Variants in CMSS1 observed in about 807,000 individuals in gnomAD.
CMSS1 encodes the protein protein CMSS1.
Under a neutral mutation model 43.5 loss-of-function variants are expected in CMSS1, and 33 were observed. The ratio of observed to expected loss-of-function variants is 0.76; its 90% CI spans 0.57 to 1.01. The LOEUF is 1.01. Among genes scored for constraint, CMSS1 ranks in the 50% least tolerant of loss-of-function variants. The probability of loss-of-function intolerance (pLI) is 0.00; values close to 1 mark genes in which losing one functional copy is unlikely to be tolerated. For missense variants in CMSS1, 313 were observed against 326.4 expected, an observed-to-expected ratio of 0.96 and a Z score of 0.32; for synonymous variants, 115 against 117.2, an observed-to-expected ratio of 0.98 and a Z score of 0.12.
chr3:100,150,148 A>G (rs1234458259), intron 2 of CMSS1, among the ~76,000 whole-genome samples: 1 of 152,138 alleles, frequency 6.6e-6, no homozygotes, highest in Non-Finnish European at 1.5e-5. Context: ...TGTCAGGCAT[A>G]CTGTCTGTCC....
intron 1 of CMSS1, among the ~76,000 whole-genome samples, chr3:100,111,160 A>C (rs1260082039): frequency 6.6e-6 from 1 of 152,172 alleles, no homozygotes; most frequent in Non-Finnish European, 1.5e-5. Flanking sequence ...TTCAAGGGCC[A>C]GAAGGAAGAA....
intron 1 of CMSS1, among the ~76,000 whole-genome samples, chr3:99,878,807 C>A (rs1032193161): frequency 6.6e-6 from 1 of 152,212 alleles, no homozygotes; most frequent in South Asian, 2.1e-4. Flanking sequence ...ATTGCAAACT[C>A]CAACCAGCTG....
chr3:100,164,026 C>A (rs368360572), intron 4 of CMSS1, among the ~76,000 whole-genome samples: 1 of 152,084 alleles, frequency 6.6e-6, no homozygotes, highest in Non-Finnish European at 1.5e-5. Flanking sequence ...GACATGAGTG[C>A]CCTGTCTGTT....
intron 1 of CMSS1, chr3:99,898,389 G>A (rs1301182721): frequency 6.6e-6 from 1 of 152,090 alleles, no homozygotes; most frequent in Non-Finnish European, 1.5e-5. Context: ...ATAGAAACCT[G>A]GAAAGATCAG....
chr3:100,085,388 T>C (rs966411117), intron 1 of CMSS1, among the ~76,000 whole-genome samples: 18 of 152,306 alleles, frequency 1.2e-4, no homozygotes, highest in African/African-American at 4.1e-4. Flanking sequence ...AATGACTGAC[T>C]TTTACTATAA....
chr3:100,170,647 G>A (rs1400522654), intron 6 of CMSS1, among the ~76,000 whole-genome samples: 1 of 152,228 alleles, frequency 6.6e-6, no homozygotes, highest in African/African-American at 2.4e-5. Flanking sequence ...CAAAAACCCT[G>A]GACAGATAAT....
At chr3:100,034,442 T>C (rs2065073180) in intron 1 of CMSS1, among the ~76,000 whole-genome samples, 1 of 152,126 alleles carries the variant, frequency 6.6e-6, no homozygotes, top group South Asian at 2.1e-4. Flanking sequence ...ACACTGGCTT[T>C]AGTAAGGAAT....
chr3:99,932,944 G>A (rs1421621815), intron 1 of CMSS1, among the ~76,000 whole-genome samples: 1 of 152,156 alleles, frequency 6.6e-6, no homozygotes, highest in Non-Finnish European at 1.5e-5. Flanking sequence ...CTGGAAGTGA[G>A]GGAGCACTTA....
chr3:100,015,250 A>G (rs1432045998), intron 1 of CMSS1, among the ~76,000 whole-genome samples: 1 of 151,840 alleles, frequency 6.6e-6, no homozygotes, highest in Non-Finnish European at 1.5e-5. Context: ...CCCTTGGATT[A>G]TATGTTTGTT....
At chr3:99,981,692 T>A (rs554708884) in intron 1 of CMSS1, among the ~76,000 whole-genome samples, 9 of 152,166 alleles carry the variant, frequency 5.9e-5, no homozygotes, top group African/African-American at 1.9e-4. Flanking sequence ...TTGAAAAAAA[T>A]TGGTTGGAAT....
chr3:100,120,547 A>G (rs1281971589), intron 1 of CMSS1, among the ~76,000 whole-genome samples: 1 of 152,168 alleles, frequency 6.6e-6, no homozygotes, highest in Non-Finnish European at 1.5e-5. Context: ...ACATCTTATA[A>G]AGAGGTATTA....
chr3:99,950,166 T>C (rs1231625564), intron 1 of CMSS1, among the ~76,000 whole-genome samples: 1 of 152,214 alleles, frequency 6.6e-6, no homozygotes, highest in Admixed American at 6.5e-5. Flanking sequence ...TAACTGTAGA[T>C]AGGACTTTTT....
At chr3:100,076,662 C>A (rs534749821) in intron 1 of CMSS1, among the ~76,000 whole-genome samples, 1 of 152,282 alleles carries the variant, frequency 6.6e-6, no homozygotes, top group East Asian at 1.9e-4. Flanking sequence ...CTTTACTGTT[C>A]ATTTTTCTGA....
chr3:100,046,593 A>G (rs1406678396), intron 1 of CMSS1, among the ~76,000 whole-genome samples: 1 of 152,096 alleles, frequency 6.6e-6, no homozygotes, highest in Non-Finnish European at 1.5e-5. Context: ...GTGAGGAGAG[A>G]GGTTAGCAAA....
chr3:99,950,562 C>T (rs1250973676), intron 1 of CMSS1, among the ~76,000 whole-genome samples: 1 of 152,152 alleles, frequency 6.6e-6, no homozygotes, highest in East Asian at 1.9e-4. Flanking sequence ...TTTCATTCAT[C>T]GGATAGTATA....
chr3:99,875,118 C>G (rs761821321), intron 1 of CMSS1, among the ~76,000 whole-genome samples: 1 of 152,176 alleles, frequency 6.6e-6, no homozygotes, highest in Non-Finnish European at 1.5e-5. Flanking sequence ...ATCAATTTTT[C>G]ATCTCCTATT....
At chr3:99,818,408 T>G (rs2107471424) in intron 1 of CMSS1, among the ~76,000 whole-genome samples, 1 of 152,324 alleles carries the variant, frequency 6.6e-6, no homozygotes, top group East Asian at 1.9e-4. Flanking sequence ...GGTTGCTGCT[T>G]CAGACTCCCT....
rs550439833 is a variant in CMSS1 at position 99,992,012 on chromosome 3, G to GTA, written c.65-154948_65-154947dup. Reference sequence around the variant, plus strand: ...TATATACGTATATATATGTGTGTGTGTATATATATATATACGTGTATATAT... The same window carrying GTA: ...TATATACGTATATATATGTGTGTGTGTATATATATATATATACGTGTATATAT... On this transcript the variant is annotated intron_variant, in intron 1 of 9. Coordinates refer to ENST00000421999, the MANE Select transcript of CMSS1 (RefSeq NM_032359.4). 7.7e-4 allele frequency among the ~76,000 whole-genome samples: 112 copies of GTA among 145,582 alleles called. 2 individuals carry two copies. The highest frequency in any genetic ancestry group is 7.2e-3 in the Middle Eastern group (2 of 276).
intron 2 of CMSS1, 116 bp from the exon 3 acceptor site, chr3:100,160,314 A>G: frequency 1.6e-6 from 1 of 641,078 alleles, no homozygotes; most frequent in East Asian, 2.9e-5. Context: ...TCTGTAGAAT[A>G]TTACCAAGAT....
Sources: gnomAD v4.1 joint callset for allele counts (sites outside exome capture counted in the v4.1 genomes callset) on GRCh38, gnomAD v4.1.1 for gene constraint, MANE v1.5 for transcripts, NCBI Gene and HGNC (gene_info 2026-07-23, HGNC 2026-07-21) for gene names.